FAT3: variants seen among roughly 807,000 people sequenced by gnomAD.
FAT3 encodes the protein protocadherin Fat 3.
In FAT3, 95 loss-of-function variants were observed where a neutral mutation model predicts 310.2. The ratio of observed to expected loss-of-function variants is 0.31; its 90% confidence interval spans 0.26 to 0.36. The LOEUF (loss-of-function observed/expected upper bound fraction) is 0.36, where lower values mean the gene tolerates loss of function less well. FAT3 is among the 10% of genes least tolerant of loss of function. FAT3 has a pLI of 1.00. For synonymous variants in FAT3, 2,314 were observed against 2,192.9 expected (o/e 1.06, Z -1.54); for missense variants, 5,408 against 5,715.6 (o/e 0.95, Z 1.74).
intron 4 of FAT3, among the ~76,000 whole-genome samples, chr11:92,722,467 G>T (rs1242689920): frequency 6.6e-6 from 1 of 152,216 alleles, no homozygotes; most frequent in Non-Finnish European, 1.5e-5. Flanking sequence ...CTGGCATTGA[G>T]TATCTGCAGC....
chr11:92,368,814 C>A (rs1949090598), intron 2 of FAT3, among the ~76,000 whole-genome samples: 1 of 133,744 alleles, frequency 7.5e-6, no homozygotes. Flanking sequence ...TGGCTAACAA[C>A]AGTATGTTTG....
intron 3 of FAT3, among the ~76,000 whole-genome samples, chr11:92,627,692 TTTAGACGTTCC>T (rs1941388724): frequency 6.6e-6 from 1 of 152,234 alleles, no homozygotes; most frequent in South Asian, 2.1e-4. Flanking sequence ...ATTTACTCTC[TTTAGACGTTCC>T]TTAGCAATAA....
chr11:92,715,364 C>T (rs931806482), intron 4 of FAT3, among the ~76,000 whole-genome samples: 3 of 151,534 alleles, frequency 2.0e-5, no homozygotes, highest in African/African-American at 7.3e-5. Flanking sequence ...ACCAAGATCG[C>T]ACCACTGCAC....
Position 92,778,781 on chromosome 11 carries a change from TG to T in FAT3, c.4335+4607del, listed in dbSNP as rs1946661708. Among the ~76,000 whole-genome samples, 5 of 152,136 alleles carry T rather than the reference TG, an allele frequency of 3.3e-5. No individual in the cohort carries two copies. In the Middle Eastern group the frequency reaches 0.014, roughly 417 times the overall value. Reference sequence around the variant, plus strand: ...TCCCTGGGAAACATATGCACACACCTGGGGGGATCATTGTCCTCTGAAGGCT... The same window carrying T: ...TCCCTGGGAAACATATGCACACACCTGGGGGATCATTGTCCTCTGAAGGCT... On this transcript the variant is annotated intron_variant, in intron 7 of 27. Transcript: ENST00000525166.
At chr11:92,876,232 T>C (rs549990460) in intron 22 of FAT3, among the ~76,000 whole-genome samples, 2 of 152,316 alleles carry the variant, frequency 1.3e-5, no homozygotes, top group East Asian at 3.9e-4. Flanking sequence ...TGTCTAAGAT[T>C]ATATTCTAAA....
At chr11:92,449,188 C>A (rs1951291827) in intron 2 of FAT3, among the ~76,000 whole-genome samples, 1 of 152,122 alleles carries the variant, frequency 6.6e-6, no homozygotes, top group African/African-American at 2.4e-5. Flanking sequence ...GAGTACTGAA[C>A]AATTTGAGAA....
intron 9 of FAT3, among the ~76,000 whole-genome samples, chr11:92,795,883 GGAT>G (rs1947157879): frequency 6.6e-6 from 1 of 152,080 alleles, no homozygotes; most frequent in African/African-American, 2.4e-5. Flanking sequence ...ACTCCAGCCT[GGAT>G]GACAGAGCGA....
intron 1 of FAT3, among the ~76,000 whole-genome samples, chr11:92,326,246 T>C (rs2134514720): frequency 6.6e-6 from 1 of 152,316 alleles, no homozygotes; most frequent in South Asian, 2.1e-4. Context: ...TGACATGGGG[T>C]TGGACATATT....
intron 2 of FAT3, among the ~76,000 whole-genome samples, chr11:92,441,561 C>G (rs1565319459): frequency 6.6e-6 from 1 of 152,174 alleles, no homozygotes; most frequent in Non-Finnish European, 1.5e-5. Flanking sequence ...CCTTTAATAT[C>G]AGGCTTTAGC....
chr11:92,401,895 C>T (rs960289037), intron 2 of FAT3, among the ~76,000 whole-genome samples: 2 of 152,212 alleles, frequency 1.3e-5, no homozygotes, highest in African/African-American at 2.4e-5. Flanking sequence ...GGCCTATTTA[C>T]TTCAGTGCCT....
intron 3 of FAT3, among the ~76,000 whole-genome samples, chr11:92,647,438 A>T (rs1050249632): frequency 1.1e-4 from 17 of 152,324 alleles, no homozygotes; most frequent in African/African-American, 3.8e-4. Context: ...GAAAGCTAGG[A>T]TGAAGAGTCT....
intron 4 of FAT3, among the ~76,000 whole-genome samples, chr11:92,746,402 T>C (rs1207389665): frequency 1.3e-4 from 20 of 152,110 alleles, no homozygotes; most frequent in Admixed American, 1.3e-3. Flanking sequence ...GGGAGAACAA[T>C]ATATGAGAAA....
chr11:92,820,356 A>T (rs1159625961), intron 13 of FAT3, among the ~76,000 whole-genome samples: 1 of 152,086 alleles, frequency 6.6e-6, no homozygotes, highest in Non-Finnish European at 1.5e-5. Flanking sequence ...ATGGGTCACT[A>T]ATCCTATCAC....
In FAT3 at chr11:92,844,006, C is replaced by T. The variant is rs776294125; in HGVS notation, c.10639C>T (p.His3547Tyr). Residue 3547 changes from histidine (H) to tyrosine (Y), a missense_variant, in exon 19 of 28, where the codon CAC becomes TAC. Coordinates refer to ENST00000525166, the MANE Select transcript of FAT3 (RefSeq NM_001367949.2). ...IRVRVIEEST[H>Y]KPTAIPLEIF... ...CGTGCGAGTCATTGAGGAAAGCACC[C>T]ACAAGCCCACAGCCATTCCCCTGGA... is the stretch of plus-strand genomic sequence containing the variant. 6.2e-6 allele frequency: 10 copies of T among 1,613,840 alleles called. No individual in the cohort carries two copies. Among genetic ancestry groups the T allele is most frequent in the Non-Finnish European group, 8.5e-6 (10 of 1,179,894 alleles).
chr11:92,727,192 A>G (rs1363431896), intron 4 of FAT3, among the ~76,000 whole-genome samples: 1 of 152,144 alleles, frequency 6.6e-6, no homozygotes, highest in Non-Finnish European at 1.5e-5. Context: ...TATATTGTTT[A>G]TTTCAGCATA....
chr11:92,865,150 CAT>C (rs1233512749), intron 21 of FAT3, among the ~76,000 whole-genome samples: 3 of 152,184 alleles, frequency 2.0e-5, no homozygotes, highest in East Asian at 1.9e-4. Flanking sequence ...TCTAGATACA[CAT>C]GTTTATGTGG....
At chr11:92,564,619 T>C (rs1471898722) in intron 3 of FAT3, among the ~76,000 whole-genome samples, 2 of 152,082 alleles carry the variant, frequency 1.3e-5, no homozygotes, top group East Asian at 1.9e-4. Context: ...TATTCCAAAA[T>C]TGACCACATA....
rs1373109059 is a variant in FAT3, at chr11:92,559,387, T to TC, written c.3607+34439_3607+34440insC. 1.7e-5 allele frequency: 3 copies of TC among 181,306 alleles called. No individual in the cohort carries two copies. In the South Asian group the frequency reaches 2.5e-4, roughly 15 times the overall value. 11.2% of individuals were successfully genotyped at this position (181,306 alleles called of 1,614,324 possible). A position where few individuals can be genotyped will look rare whatever the true frequency, so the allele number is the denominator to read the frequency against. On this transcript the variant is annotated intron_variant, in intron 3 of 27. Transcript: ENST00000525166. Reference sequence around the variant, plus strand: ...GGTGATTGTTTACTTATTTTCCTTTTTTTTTTTTTTTTTTTGAAACAGGGT... The same window carrying TC: ...GGTGATTGTTTACTTATTTTCCTTTTCTTTTTTTTTTTTTTTGAAACAGGGT...
At chr11:92,602,304 T>C (rs1347675537) in intron 3 of FAT3, among the ~76,000 whole-genome samples, 1 of 152,180 alleles carries the variant, frequency 6.6e-6, no homozygotes, top group Non-Finnish European at 1.5e-5. Flanking sequence ...AGTTTCACCA[T>C]GTTGGCCAGG....
Sources: allele counts gnomAD v4.1 joint callset (sites outside exome capture counted in the v4.1 genomes callset), GRCh38; gene constraint gnomAD v4.1.1; transcripts MANE v1.5; gene names NCBI Gene and HGNC (gene_info 2026-07-23, HGNC 2026-07-21).